SATB2: variants seen among roughly 807,000 people sequenced by gnomAD.
SATB2 encodes the protein DNA-binding protein SATB2.
In SATB2, 1 loss-of-function variant was observed where a neutral mutation model predicts 73.4. The ratio of observed to expected loss-of-function variants is 0.01; its 90% CI spans 0.00 to 0.06. The LOEUF (loss-of-function observed/expected upper bound fraction) is 0.06, where lower values mean the gene tolerates loss of function less well. SATB2 is among the 10% of genes least tolerant of loss of function. SATB2 has a pLI of 1.00. For missense variants in SATB2, 459 were observed against 945.8 expected (o/e 0.49, Z 6.75); for synonymous variants, 397 against 367.0 (o/e 1.08, Z -0.93).
In SATB2 at chr2:199,371,682, C is replaced by T. The variant is rs147462744; in HGVS notation, c.598-2975G>A. ...AGTTTATGTTGCTCTTTTATGTTTT[C>T]CAGTCATTCTAAAGCAACCGCACAG... On this transcript the variant is annotated intron_variant, in intron 5 of 10. Transcript: ENST00000417098. 2.0e-4 allele frequency among the ~76,000 whole-genome samples: 30 copies of T among 152,130 alleles called. 1 individual carries two copies. In the East Asian group the frequency reaches 5.8e-3, roughly 29 times the overall value.
At chr2:199,316,946 A>G (rs573001636) in intron 9 of SATB2, among the ~76,000 whole-genome samples, 2 of 152,180 alleles carry the variant, frequency 1.3e-5, no homozygotes, top group African/African-American at 4.8e-5. Context: ...GAAAACAATC[A>G]AAATGCTTCC....
intron 3 of SATB2, among the ~76,000 whole-genome samples, chr2:199,427,724 A>G (rs1391788306): frequency 6.6e-6 from 1 of 152,098 alleles, no homozygotes; most frequent in Non-Finnish European, 1.5e-5. Flanking sequence ...TCGAATTTGT[A>G]TATGTTGCAT....
intron 3 of SATB2, among the ~76,000 whole-genome samples, chr2:199,430,443 T>C (rs1165820641): frequency 6.6e-6 from 1 of 152,174 alleles, no homozygotes; most frequent in African/African-American, 2.4e-5. Context: ...AAACAGCAAG[T>C]CTGATGAATC....
At chr2:199,431,397 T>C (rs1691496698) in intron 3 of SATB2, among the ~76,000 whole-genome samples, 1 of 151,214 alleles carries the variant, frequency 6.6e-6, no homozygotes, top group African/African-American at 2.4e-5. Context: ...AACAAACTGA[T>C]TTTTTTCTTT....
intron 3 of SATB2, among the ~76,000 whole-genome samples, chr2:199,424,423 T>C (rs965341459): frequency 6.6e-6 from 1 of 152,022 alleles, no homozygotes; most frequent in African/African-American, 2.4e-5. Context: ...ACAAAGGAAG[T>C]CCCCGACAGC....
intron 2 of SATB2, among the ~76,000 whole-genome samples, chr2:199,435,086 T>C (rs115538636): frequency 2.0e-4 from 30 of 152,284 alleles, no homozygotes; most frequent in African/African-American, 7.0e-4. Flanking sequence ...GACAACTCAG[T>C]GTTCACTCCT....
intron 3 of SATB2, among the ~76,000 whole-genome samples, chr2:199,401,103 C>A (rs754821636): frequency 2.1e-4 from 32 of 152,152 alleles, no homozygotes; most frequent in Non-Finnish European, 2.6e-4. Flanking sequence ...CTCATTCATT[C>A]ATTCAATATT....
At chr2:199,347,711 T>A (rs1233045170) in intron 7 of SATB2, 4 of 152,232 alleles carry the variant, frequency 2.6e-5, no homozygotes, top group Admixed American at 2.6e-4. Context: ...CCACCACAAC[T>A]ATTGCTTACA....
rs555460109 is a variant in SATB2, at chr2:199,420,797, A to G, written c.346+12541T>C. 3.3e-5 allele frequency among the ~76,000 whole-genome samples: 5 copies of G among 152,278 alleles called. No individual in the cohort carries two copies. The South Asian group carries it at 1.0e-3, about 32-fold the overall frequency. ...GTAAAAAAGGAACATAGCAAATTAT[A>G]ATGTAATATGTTAAATCGATATCTC... On this transcript the variant is annotated intron_variant, in intron 3 of 10. Coordinates refer to ENST00000417098, the MANE Select transcript of SATB2 (RefSeq NM_001172509.2).
chr2:199,384,441 C>T (rs1689869131), intron 3 of SATB2, among the ~76,000 whole-genome samples: 1 of 152,230 alleles, frequency 6.6e-6, no homozygotes, highest in African/African-American at 2.4e-5. Context: ...TCTACTCCAG[C>T]CAGGTAGAGG....
At position 199,464,396 on chromosome 2, in the gene SATB2, C is replaced by G. The variant is rs916490585; in HGVS notation, c.-141+440G>C. The stretch of plus-strand genomic sequence containing the variant: ...TTTATTTTCAATAAATTCAGCTGTT[C>G]ACATACACCCCCACCACCATTTCCA... On this transcript the variant is annotated intron_variant, in intron 1 of 11. Coordinates refer to the SATB2 transcript ENST00000260926. The surrounding 1 kb of genome is among the most constrained non-coding windows in gnomAD (Gnocchi z 6.6). Among the ~76,000 whole-genome samples the G allele has an allele frequency of 6.6e-6, 1 of 151,922 alleles. No individual in the cohort carries two copies. The highest frequency in any genetic ancestry group is 1.5e-5 in the Non-Finnish European group (1 of 68,010).
At chr2:199,336,571 T>C (rs571901569) in intron 7 of SATB2, among the ~76,000 whole-genome samples, 42 of 152,348 alleles carry the variant, frequency 2.8e-4, no homozygotes, top group African/African-American at 9.9e-4. Flanking sequence ...GAGCTGACTT[T>C]TTCTGAAACA....
chr2:199,326,054 C>CA (rs1688020305), intron 8 of SATB2: 3 of 152,222 alleles, frequency 2.0e-5, no homozygotes, highest in Non-Finnish European at 4.4e-5. Context: ...TGTCAAGCTG[C>CA]TTGTGTGCAC....
At chr2:199,388,075 C>T (rs922945243) in intron 3 of SATB2, among the ~76,000 whole-genome samples, 3 of 152,240 alleles carry the variant, frequency 2.0e-5, no homozygotes, top group African/African-American at 7.2e-5. Flanking sequence ...TGATAATACA[C>T]ATTATAGTCG....
intron 10 of SATB2, among the ~76,000 whole-genome samples, chr2:199,291,664 G>C (rs559162108): frequency 2.6e-5 from 4 of 152,112 alleles, no homozygotes; most frequent in South Asian, 2.1e-4. Flanking sequence ...TGTAATCCCA[G>C]CACTTTGGGA....
intron 5 of SATB2, among the ~76,000 whole-genome samples, chr2:199,369,813 C>T (rs1486569076): frequency 6.6e-6 from 1 of 152,128 alleles, no homozygotes; most frequent in Non-Finnish European, 1.5e-5. Context: ...CCTTCATAAA[C>T]TCCCATTTAA....
At chr2:199,441,656 A>G (rs1691819597) in intron 2 of SATB2, among the ~76,000 whole-genome samples, 1 of 152,170 alleles carries the variant, frequency 6.6e-6, no homozygotes, top group Non-Finnish European at 1.5e-5. Flanking sequence ...TCGCTCACTG[A>G]CCACCCCGAA....
upstream of SATB2, chr2:199,468,329 C>A (rs577151111): frequency 2.8e-4 from 42 of 150,550 alleles, no homozygotes; most frequent in African/African-American, 9.9e-4. Context: ...TTTTTAATGT[C>A]CCTCTTTATT....
intron 10 of SATB2, among the ~76,000 whole-genome samples, chr2:199,301,196 C>T (rs1035966074): frequency 1.3e-5 from 2 of 152,082 alleles, no homozygotes; most frequent in Non-Finnish European, 2.9e-5. Context: ...AGGTAGAATA[C>T]TCTGGACACA....
Sources: allele counts gnomAD v4.1 joint callset (sites outside exome capture counted in the v4.1 genomes callset), GRCh38; gene constraint gnomAD v4.1.1; non-coding constraint Gnocchi (gnomAD v3.1); transcripts MANE v1.5; gene names NCBI Gene and HGNC (gene_info 2026-07-23, HGNC 2026-07-21).